The following SRPK2 variants were observed in gnomAD, a reference collection of about 807,000 sequenced individuals.
SRPK2 encodes SFRS protein kinase 2.
SRPK2 carries 21 observed loss-of-function variants against 90.8 expected under a neutral mutation model. The ratio of observed to expected loss-of-function variants is 0.23; its 90% CI spans 0.16 to 0.33. The LOEUF is 0.33. SRPK2 is among the 10% of genes least tolerant of loss of function. The probability of loss-of-function intolerance (pLI) is 1.00; values close to 1 mark genes in which losing one functional copy is unlikely to be tolerated. For missense variants in SRPK2, 620 were observed against 869.0 expected, an observed-to-expected ratio of 0.71 and a Z score of 3.60; for synonymous variants, 288 against 311.1, an observed-to-expected ratio of 0.93 and a Z score of 0.78.
At chr7:105,162,234 G>A (rs1807782272) in intron 6 of SRPK2, among the ~76,000 whole-genome samples, 1 of 152,068 alleles carries the variant, frequency 6.6e-6, no homozygotes, top group Admixed American at 6.6e-5. Context: ...TAGAGACAGG[G>A]TTTCACCATG....
chr7:105,175,453 C>T (rs1158249279), intron 3 of SRPK2, among the ~76,000 whole-genome samples: 1 of 151,866 alleles, frequency 6.6e-6, no homozygotes, highest in Non-Finnish European at 1.5e-5. Context: ...TAGTTTCCAC[C>T]TTAGAAAACT....
chr7:105,227,028 C>A (rs938981807), intron 2 of SRPK2, among the ~76,000 whole-genome samples: 21 of 152,088 alleles, frequency 1.4e-4, no homozygotes, highest in African/African-American at 5.1e-4. Context: ...CACCCTCTAG[C>A]GCTTGTGTGT....
intron 2 of SRPK2, chr7:105,304,134 A>T (rs1233619313): frequency 2.6e-5 from 4 of 152,250 alleles, no homozygotes; most frequent in Non-Finnish European, 4.4e-5. Flanking sequence ...ATGTAGCACA[A>T]GACCAAGAGT....
chr7:105,382,552 CAAAAAA>C (rs71152969), intron 2 of SRPK2, among the ~76,000 whole-genome samples: 6 of 75,906 alleles, frequency 7.9e-5, no homozygotes, highest in Non-Finnish European at 9.8e-5. Context: ...AACTCCATCT[CAAAAAA>C]AAAAAAAAAA....
intron 2 of SRPK2, 140 bp downstream of exon 2, chr7:105,388,508 G>T: frequency 2.1e-6 from 1 of 470,506 alleles, no homozygotes; most frequent in Admixed American, 5.4e-5. Context: ...CGCCCGCCGG[G>T]GGCAGGAGCC....
At chr7:105,379,794 T>C (rs1434578160) in intron 2 of SRPK2, among the ~76,000 whole-genome samples, 1 of 152,038 alleles carries the variant, frequency 6.6e-6, no homozygotes, top group Non-Finnish European at 1.5e-5. Context: ...CCGGCCAACA[T>C]GGTGAAACCT....
chr7:105,326,100 A>G (rs1477640753), intron 2 of SRPK2, among the ~76,000 whole-genome samples: 3 of 152,316 alleles, frequency 2.0e-5, no homozygotes, highest in African/African-American at 7.2e-5. Flanking sequence ...TTAAAAAGTC[A>G]TCCTTGACTT....
chr7:105,119,123 G>C (rs1033205169), intron 15 of SRPK2, among the ~76,000 whole-genome samples: 1 of 151,654 alleles, frequency 6.6e-6, no homozygotes, highest in African/African-American at 2.4e-5. Context: ...GGTCTCGGTG[G>C]GGGGAGAGAG....
chr7:105,297,334 G>T, intron 2 of SRPK2: 1 of 337,186 alleles, frequency 3.0e-6, no homozygotes. Flanking sequence ...CAGATCTGTG[G>T]TCCATAAATC....
intron 2 of SRPK2, among the ~76,000 whole-genome samples, chr7:105,335,185 A>C (rs527677832): frequency 6.6e-5 from 10 of 152,330 alleles, no homozygotes; most frequent in Admixed American, 2.6e-4. Context: ...AAATAAATAA[A>C]TAACACTACT....
At chr7:105,232,933 A>T (rs1474293532) in intron 2 of SRPK2, among the ~76,000 whole-genome samples, 2 of 151,868 alleles carry the variant, frequency 1.3e-5, no homozygotes, top group Non-Finnish European at 2.9e-5. Flanking sequence ...GAATCACTTG[A>T]TCACTGAACT....
intron 15 of SRPK2, chr7:105,125,657 T>C: frequency 2.7e-6 from 1 of 371,884 alleles, no homozygotes; most frequent in Non-Finnish European, 4.9e-6. Context: ...TCTTGAGAGC[T>C]TTCTTCGGAA....
intron 2 of SRPK2, among the ~76,000 whole-genome samples, chr7:105,324,048 G>A (rs1813275093): frequency 6.6e-6 from 1 of 151,122 alleles, no homozygotes; most frequent in Non-Finnish European, 1.5e-5. Flanking sequence ...CCGGGCTGGA[G>A]TGCAATGGCG....
At chr7:105,373,604 T>C (rs902360530) in intron 2 of SRPK2, among the ~76,000 whole-genome samples, 5 of 152,086 alleles carry the variant, frequency 3.3e-5, no homozygotes, top group African/African-American at 1.2e-4. Context: ...GGTTTCGTCA[T>C]GTTGGCCAGG....
At chr7:105,371,604 A>AC (rs397977488) in intron 2 of SRPK2, among the ~76,000 whole-genome samples, 14 of 147,948 alleles carry the variant, frequency 9.5e-5, no homozygotes, top group Admixed American at 1.4e-4. Flanking sequence ...AAAAAAAAAA[A>AC]CACTAGTCAG....
intron 2 of SRPK2, among the ~76,000 whole-genome samples, chr7:105,258,334 T>C (rs758686749): frequency 4.6e-5 from 7 of 150,904 alleles, no homozygotes; most frequent in Non-Finnish European, 8.8e-5. Context: ...GGAGAATTGC[T>C]TGAACCCGGG....
At position 105,266,671 on chromosome 7, in the gene SRPK2, A is replaced by C. The variant is rs930852172; in HGVS notation, c.72-62886T>G. Among the ~76,000 whole-genome samples, 5 of 152,144 alleles carry C rather than the reference A, an allele frequency of 3.3e-5. No homozygotes were observed. The East Asian group carries it at 9.6e-4, about 29-fold the overall frequency. On this transcript the variant is annotated intron_variant, in intron 2 of 15. Coordinates refer to ENST00000393651, the MANE Select transcript of SRPK2 (RefSeq NM_182692.3). ...ATTTTTTTTTTAAGTGAAAGCAAAA[A>C]CTCTTAAAATGTAGCTGGACTGGTG...
chr7:105,223,607 G>T (rs1010157460), intron 2 of SRPK2, among the ~76,000 whole-genome samples: 5 of 152,120 alleles, frequency 3.3e-5, no homozygotes, highest in Non-Finnish European at 7.4e-5. Context: ...ACCTCCCGGG[G>T]TTCCTCTTGT....
chr7:105,381,890 G>A (rs930631953), intron 2 of SRPK2, among the ~76,000 whole-genome samples: 1 of 152,048 alleles, frequency 6.6e-6, no homozygotes, highest in African/African-American at 2.4e-5. Context: ...TCACCAAGCT[G>A]GGCACGGTGG....
Sources: allele counts gnomAD v4.1 joint callset (sites outside exome capture counted in the v4.1 genomes callset), GRCh38; gene constraint gnomAD v4.1.1; transcripts MANE v1.5; gene names NCBI Gene and HGNC (gene_info 2026-07-23, HGNC 2026-07-21).